DPP10: variants seen among roughly 807,000 people sequenced by gnomAD.
The protein encoded by DPP10 is inactive dipeptidyl peptidase 10.
A neutral mutation model predicts 120.9 loss-of-function variants in DPP10; 33 were observed. The ratio of observed to expected loss-of-function variants is 0.27; its 90% confidence interval spans 0.21 to 0.37. The LOEUF is 0.37. DPP10 is among the 10% of genes least tolerant of loss of function. DPP10 has a pLI of 1.00. For missense variants in DPP10, 816 were observed against 942.8 expected, an observed-to-expected ratio of 0.87 and a Z score of 1.76; for synonymous variants, 337 against 326.1, an observed-to-expected ratio of 1.03 and a Z score of -0.36.
chr2:114,737,405 G>A (rs973314307), intron 1 of DPP10, among the ~76,000 whole-genome samples: 2 of 152,136 alleles, frequency 1.3e-5, no homozygotes, highest in African/African-American at 4.8e-5. Flanking sequence ...AAGATGCAGC[G>A]GTCTGTGAAA....
chr2:115,755,821 TA>T (rs1679318925), intron 11 of DPP10, among the ~76,000 whole-genome samples: 1 of 151,960 alleles, frequency 6.6e-6, no homozygotes, highest in African/African-American at 2.4e-5. Flanking sequence ...GCTGTGCTCA[TA>T]ATAGTAGGGA....
At chr2:114,808,232 C>T (rs567074305) in intron 1 of DPP10, among the ~76,000 whole-genome samples, 63 of 152,164 alleles carry the variant, frequency 4.1e-4, no homozygotes, top group African/African-American at 1.3e-3. Flanking sequence ...AAATAGTATT[C>T]CACTGTGTTA....
intron 1 of DPP10, among the ~76,000 whole-genome samples, chr2:114,537,718 T>A (rs1339970088): frequency 6.6e-6 from 1 of 152,210 alleles, no homozygotes; most frequent in Non-Finnish European, 1.5e-5. Flanking sequence ...GGTTTCATTA[T>A]CACCATTTCA....
chr2:115,752,431 TAA>T (rs1296241273), intron 10 of DPP10, among the ~76,000 whole-genome samples: 2 of 152,192 alleles, frequency 1.3e-5, no homozygotes, highest in African/African-American at 4.8e-5. Flanking sequence ...CATGAGGACA[TAA>T]TTGGCCCCAT....
chr2:114,702,601 G>A (rs1700450961), intron 1 of DPP10, among the ~76,000 whole-genome samples: 1 of 152,046 alleles, frequency 6.6e-6, no homozygotes, highest in South Asian at 2.1e-4. Context: ...GGTCCATGAG[G>A]CCATTTGAAG....
intron 1 of DPP10, among the ~76,000 whole-genome samples, chr2:114,845,500 C>G (rs149210418): frequency 6.6e-6 from 1 of 152,026 alleles, no homozygotes. Flanking sequence ...GTAATACAAC[C>G]CAATGCATAC....
intron 1 of DPP10, among the ~76,000 whole-genome samples, chr2:115,071,459 A>G (rs1005543185): frequency 6.6e-6 from 1 of 152,148 alleles, no homozygotes; most frequent in Non-Finnish European, 1.5e-5. Context: ...GCTCAAATCT[A>G]TCCCTCTCAC....
chr2:114,589,545 C>A (rs770646129), intron 1 of DPP10, among the ~76,000 whole-genome samples: 2 of 152,018 alleles, frequency 1.3e-5, no homozygotes, highest in African/African-American at 4.8e-5. Flanking sequence ...TTAGTGGATA[C>A]GAGGAGTGAG....
At chr2:115,356,719 A>C (rs1274229958) in intron 3 of DPP10, among the ~76,000 whole-genome samples, 1 of 152,100 alleles carries the variant, frequency 6.6e-6, no homozygotes, top group Admixed American at 6.6e-5. Context: ...TTATTTTGAG[A>C]TATGTTGCAT....
rs560510097 is a variant in DPP10 at position 115,613,952 on chromosome 2, G to A, written c.442-75735G>A. ...GTGACTCCCATGCCTCTCCACAGGA[G>A]GGAAAATAGTATACTCAGTCCCTGA... On this transcript the variant is annotated intron_variant, in intron 5 of 25. Transcript: ENST00000410059. 1.1e-3 allele frequency among the ~76,000 whole-genome samples: 166 copies of A among 152,294 alleles called. 2 individuals are homozygous for A. The highest frequency in any genetic ancestry group is 3.5e-3 in the African/African-American group (144 of 41,560).
chr2:114,548,337 A>T (rs893826229), intron 1 of DPP10, among the ~76,000 whole-genome samples: 1 of 152,188 alleles, frequency 6.6e-6, no homozygotes, highest in African/African-American at 2.4e-5. Flanking sequence ...GGTACAAAAT[A>T]AAATTCCAGT....
At chr2:115,611,093 T>C (rs2084064027) in intron 5 of DPP10, among the ~76,000 whole-genome samples, 1 of 152,110 alleles carries the variant, frequency 6.6e-6, no homozygotes, top group Non-Finnish European at 1.5e-5. Context: ...GTGCAACTAA[T>C]ACTCTGGAAT....
At chr2:115,621,064 C>T (rs2084909455) in intron 5 of DPP10, among the ~76,000 whole-genome samples, 1 of 152,194 alleles carries the variant, frequency 6.6e-6, no homozygotes, top group Non-Finnish European at 1.5e-5. Context: ...CATGACAACA[C>T]TGATGTGTGC....
intron 1 of DPP10, among the ~76,000 whole-genome samples, chr2:114,722,539 G>A (rs1032795167): frequency 4.6e-5 from 7 of 152,074 alleles, no homozygotes; most frequent in Admixed American, 6.5e-5. Flanking sequence ...CACTTTGGGA[G>A]GCCGAGGCGG....
At chr2:115,256,185 G>T (rs1193667704) in intron 1 of DPP10, among the ~76,000 whole-genome samples, 1 of 152,174 alleles carries the variant, frequency 6.6e-6, no homozygotes, top group Non-Finnish European at 1.5e-5. Context: ...AAGCAAACAC[G>T]TCTTTCTTCA....
intron 1 of DPP10, among the ~76,000 whole-genome samples, chr2:114,759,043 T>C: frequency 6.6e-6 from 1 of 152,194 alleles, no homozygotes; most frequent in Admixed American, 6.5e-5. Flanking sequence ...TCAAAGTACT[T>C]TCAACAAGAC....
At position 115,707,460 on chromosome 2, in the gene DPP10, ACACTCT is replaced by A. The variant is rs1369466756; in HGVS notation, c.576+17541_576+17546del. 2.6e-3 allele frequency among the ~76,000 whole-genome samples: 366 copies of A among 140,622 alleles called. 2 individuals are homozygous for A. The highest frequency in any genetic ancestry group is 0.01 in the African/African-American group (358 of 34,700). The allele number at this position is 140,622 out of a possible 152,430, so 92.3% of individuals were successfully genotyped here. A position where few individuals can be genotyped will look rare whatever the true frequency, so the allele number is the denominator to read the frequency against. On this transcript the variant is annotated intron_variant, in intron 7 of 25. Transcript: ENST00000410059. The stretch of plus-strand genomic sequence containing the variant: ...CACACACACACACACACACACACAC[ACACTCT>A]CTCCACATTTTTTATTGGAATACGA...
At chr2:115,711,973 C>T (rs1575582384) in intron 7 of DPP10, among the ~76,000 whole-genome samples, 2 of 108,828 alleles carry the variant, frequency 1.8e-5, no homozygotes, top group Non-Finnish European at 1.7e-5. Context: ...CACAGCAGTT[C>T]TCAACCTTTT....
At chr2:114,938,765 T>G (rs1258508540) in intron 1 of DPP10, among the ~76,000 whole-genome samples, 18 of 149,828 alleles carry the variant, frequency 1.2e-4, no homozygotes, top group African/African-American at 4.4e-4. Context: ...GGAGACTTTT[T>G]GCCTCATTAA....
Sources: gnomAD v4.1 joint callset for allele counts (sites outside exome capture counted in the v4.1 genomes callset) on GRCh38, gnomAD v4.1.1 for gene constraint, MANE v1.5 for transcripts, NCBI Gene and HGNC (gene_info 2026-07-23, HGNC 2026-07-21) for gene names.